The following CCDC60 variants were observed in gnomAD, a reference collection of about 807,000 sequenced individuals.
CCDC60 encodes coiled-coil domain containing 60, also known as coiled-coil domain-containing protein 60.
CCDC60 carries 54 observed loss-of-function variants against 63.5 expected under a neutral mutation model. That is an observed-to-expected ratio of 0.85 (90% CI 0.68 to 1.07). The LOEUF (loss-of-function observed/expected upper bound fraction) is 1.07, where lower values mean the gene tolerates loss of function less well. Among genes scored for constraint, CCDC60 ranks in the 50% least tolerant of loss-of-function variants. The probability of loss-of-function intolerance (pLI) is 0.00; values close to 1 mark genes in which losing one functional copy is unlikely to be tolerated. For synonymous variants in CCDC60, 206 were observed against 238.8 expected (o/e 0.86, Z 1.27); for missense variants, 651 against 684.3 (o/e 0.95, Z 0.54).
At chr12:119,394,081 C>G (rs1204394409) in intron 1 of CCDC60, among the ~76,000 whole-genome samples, 1 of 152,158 alleles carries the variant, frequency 6.6e-6, no homozygotes, top group Admixed American at 6.5e-5. Flanking sequence ...TAAAAAATGA[C>G]AGATTCCATT....
chr12:119,400,733 T>C (rs1336597511), intron 1 of CCDC60, among the ~76,000 whole-genome samples: 1 of 152,206 alleles, frequency 6.6e-6, no homozygotes, highest in Non-Finnish European at 1.5e-5. Context: ...TCCCAAATGA[T>C]GCTGCTGGCA....
In CCDC60 at chr12:119,353,131, A is replaced by T. The variant is rs1040324123; in HGVS notation, c.90+17865A>T. On this transcript the variant is annotated intron_variant, in intron 1 of 13. Transcript: ENST00000327554. ...AGATGCAGCTGTCTCAGGGTCACTCACAAAACAAAGTGTCCCTTTTCTCCT... is the reference window on the plus strand; with the variant it reads ...AGATGCAGCTGTCTCAGGGTCACTCTCAAAACAAAGTGTCCCTTTTCTCCT... 4.6e-5 allele frequency among the ~76,000 whole-genome samples: 7 copies of T among 151,862 alleles called. No individual in the cohort carries two copies. The East Asian group carries it at 7.8e-4, about 17-fold the overall frequency.
intron 13 of CCDC60, among the ~76,000 whole-genome samples, chr12:119,539,214 C>T (rs1953089785): frequency 6.6e-6 from 1 of 152,204 alleles, no homozygotes; most frequent in Non-Finnish European, 1.5e-5. Context: ...AGAGCTTGAG[C>T]GCTGTGCTGG....
rs1014915127 is a variant in CCDC60, at chr12:119,479,282, T to C, written c.449+81T>C. 13 of 900,384 alleles carry C rather than the reference T, an allele frequency of 1.4e-5. No individual in the cohort carries two copies. In the African/African-American group the frequency reaches 2.0e-4, roughly 14 times the overall value. The allele number at this position is 900,384 out of a possible 1,614,324, so 55.8% of individuals were successfully genotyped here. Reference sequence around the variant, plus strand: ...ACTGAAATGACTCAACGAGCTGTCATGTCAGTAGCTGTTCCTTTGTCCTCT... The same window carrying C: ...ACTGAAATGACTCAACGAGCTGTCACGTCAGTAGCTGTTCCTTTGTCCTCT... On this transcript the variant is annotated intron_variant, in intron 4 of 13. Transcript: ENST00000327554.
chr12:119,522,819 G>A (rs1362434421), intron 9 of CCDC60, 120 bp from the exon 10 acceptor site: 2 of 867,256 alleles, frequency 2.3e-6, no homozygotes, highest in Non-Finnish European at 4.0e-6. Context: ...CTGGTGCCTT[G>A]ATTAGAACCA....
intron 1 of CCDC60, among the ~76,000 whole-genome samples, chr12:119,383,373 A>G (rs1347798108): frequency 6.6e-6 from 1 of 152,242 alleles, no homozygotes; most frequent in East Asian, 1.9e-4. Context: ...TATACCGACC[A>G]CATGGTCCCA....
chr12:119,505,283 A>C lies in CCDC60; in HGVS notation c.863A>C (p.Asp288Ala). 6.2e-7 allele frequency: 1 copy of C among 1,609,602 alleles called. No homozygotes were observed. Among genetic ancestry groups the C allele is most frequent in the Non-Finnish European group, 8.5e-7 (1 of 1,179,320 alleles). The change falls in exon 7 of 14, where the codon GAT becomes GCT. Residue 288 changes from aspartate (D) to alanine (A), a missense_variant. By Grantham distance (126) the Asp-to-Ala change is moderately radical. Transcript: ENST00000327554. The stretch of plus-strand genomic sequence containing the variant: ...AATGAGTCATCTTCAACCAAGCCAG[A>C]TGAAGAACCTCTGTATATGAGTAAG... ...EDNESSSTKP[D>A]EEPLYMNLQK...
At chr12:119,422,188 A>G (rs1021276148) in intron 1 of CCDC60, among the ~76,000 whole-genome samples, 29 of 152,188 alleles carry the variant, frequency 1.9e-4, no homozygotes, top group Admixed American at 1.8e-3. Context: ...TCTGCAGAGC[A>G]ATGGAAACAC....
intron 5 of CCDC60, among the ~76,000 whole-genome samples, chr12:119,491,311 CTTTT>C (rs1045124236): frequency 2.6e-5 from 4 of 152,024 alleles, no homozygotes; most frequent in African/African-American, 9.7e-5. Flanking sequence ...TTACACATCT[CTTTT>C]TGTTTGTTTG....
intron 4 of CCDC60, 67 bp downstream of exon 4, chr12:119,479,268 T>C: frequency 9.1e-7 from 1 of 1,103,622 alleles, no homozygotes; most frequent in Non-Finnish European, 1.4e-6. Context: ...CTGAAATGAC[T>C]CAACGAGCTG....
chr12:119,414,181 G>C (rs888186415), intron 1 of CCDC60, among the ~76,000 whole-genome samples: 4 of 152,076 alleles, frequency 2.6e-5, no homozygotes. Flanking sequence ...ACCACACCCA[G>C]CTACTTCTTT....
intron 1 of CCDC60, among the ~76,000 whole-genome samples, chr12:119,336,011 G>A (rs1295118073): frequency 4.8e-5 from 7 of 146,820 alleles, no homozygotes; most frequent in South Asian, 2.1e-4. Context: ...ACCAAACACC[G>A]CATATTCTCA....
chr12:119,491,712 C>CT (rs34290377), intron 5 of CCDC60, among the ~76,000 whole-genome samples: 3,897 of 144,484 alleles, frequency 0.027, 160 homozygotes, highest in African/African-American at 0.091. Context: ...AAAGCAATAT[C>CT]TTTTTTTTTT....
chr12:119,529,537 G>C (rs530723959), intron 12 of CCDC60, among the ~76,000 whole-genome samples: 2 of 152,284 alleles, frequency 1.3e-5, no homozygotes, highest in African/African-American at 4.8e-5. Flanking sequence ...AGATGAGAAA[G>C]TAAAAAATGT....
chr12:119,473,990 T>C (rs1409883635), intron 3 of CCDC60, among the ~76,000 whole-genome samples: 1 of 152,214 alleles, frequency 6.6e-6, no homozygotes, highest in East Asian at 1.9e-4. Flanking sequence ...TACTGAGTAG[T>C]GGGATTGCTG....
intron 1 of CCDC60, among the ~76,000 whole-genome samples, chr12:119,378,114 C>T (rs1188663602): frequency 6.6e-6 from 1 of 152,184 alleles, no homozygotes; most frequent in Admixed American, 6.5e-5. Flanking sequence ...CCAGGTATGA[C>T]GTTTGCATAG....
intron 3 of CCDC60, among the ~76,000 whole-genome samples, chr12:119,472,576 CTTTT>C (rs11303138): frequency 7.2e-5 from 7 of 97,648 alleles, no homozygotes; most frequent in African/African-American, 8.2e-5. Context: ...AAAATGCCTC[CTTTT>C]TTTTTTTTTT....
intron 2 of CCDC60, 25 bp downstream of exon 2, chr12:119,428,787 T>G: frequency 2.7e-6 from 4 of 1,500,976 alleles, no homozygotes; most frequent in Non-Finnish European, 3.7e-6. Context: ...CAGGGAATGA[T>G]CCATAGACAA....
chr12:119,433,088 G>T (rs1370329593), intron 2 of CCDC60, among the ~76,000 whole-genome samples: 1 of 152,134 alleles, frequency 6.6e-6, no homozygotes, highest in Non-Finnish European at 1.5e-5. Context: ...GGGAATATCT[G>T]CACCACGGTG....
Sources: gnomAD v4.1 joint callset for allele counts (sites outside exome capture counted in the v4.1 genomes callset) on GRCh38, gnomAD v4.1.1 for gene constraint, MANE v1.5 for transcripts, NCBI Gene and HGNC (gene_info 2026-07-23, HGNC 2026-07-21) for gene names.